SMYD3: variants seen among roughly 807,000 people sequenced by gnomAD.
SMYD3 encodes the protein histone-lysine N-methyltransferase SMYD3.
Under a neutral mutation model 57.7 loss-of-function variants are expected in SMYD3, and 36 were observed. That is an observed-to-expected ratio of 0.62 (90% confidence interval 0.48 to 0.82). SMYD3 has a LOEUF of 0.82. SMYD3 is among the 40% of genes least tolerant of loss of function. The pLI, the probability that SMYD3 is intolerant of heterozygous loss-of-function variation, is 0.00. For missense variants in SMYD3, 515 were observed against 538.8 expected (o/e 0.96, Z 0.44); for synonymous variants, 211 against 195.0 (o/e 1.08, Z -0.68).
chr1:246,386,170 G>A (rs934768734), intron 1 of SMYD3, among the ~76,000 whole-genome samples: 3 of 152,186 alleles, frequency 2.0e-5, no homozygotes, highest in Non-Finnish European at 4.4e-5. Context: ...TTACAGGCAT[G>A]AGCCACCGCG....
rs543163551 is a variant in SMYD3, at chr1:245,815,649, G to A, written c.1076+42847C>T. ...CCCTGTCCCTGTAGCACCTCTCTGTGTCCTGCTCAAAAGCATTAAAACATC... is the reference window on the plus strand; with the variant it reads ...CCCTGTCCCTGTAGCACCTCTCTGTATCCTGCTCAAAAGCATTAAAACATC... On this transcript the variant is annotated intron_variant, in intron 10 of 11. Transcript: ENST00000490107. Among the ~76,000 whole-genome samples the A allele has an allele frequency of 1.0e-3, 154 of 152,322 alleles. 1 individual carries two copies. Among genetic ancestry groups the A allele is most frequent in the African/African-American group, 3.6e-3 (149 of 41,576 alleles).
rs535260336 is a variant in SMYD3, at chr1:246,259,976, G to A, written c.531+67225C>T. ...TCTGCCTAGGTGTGTAGTATAGTGGGCTCCCCCTGAACCAAGATCTCTGCA... is the reference window on the plus strand; with the variant it reads ...TCTGCCTAGGTGTGTAGTATAGTGGACTCCCCCTGAACCAAGATCTCTGCA... On this transcript the variant is annotated intron_variant, in intron 5 of 11. Coordinates refer to ENST00000490107, the MANE Select transcript of SMYD3 (RefSeq NM_001167740.2). Among the ~76,000 whole-genome samples the A allele has an allele frequency of 2.6e-5, 4 of 152,286 alleles. No homozygotes were observed. In the East Asian group the frequency reaches 7.7e-4, roughly 29 times the overall value.
intron 1 of SMYD3, among the ~76,000 whole-genome samples, chr1:246,481,548 G>A (rs2068099954): frequency 7.6e-6 from 1 of 132,214 alleles, no homozygotes; most frequent in Non-Finnish European, 1.6e-5. Context: ...CCACTTTCCT[G>A]GGTCTCTAAC....
At chr1:246,013,492 A>C (rs1407351721) in intron 5 of SMYD3, among the ~76,000 whole-genome samples, 1 of 152,132 alleles carries the variant, frequency 6.6e-6, no homozygotes, top group African/African-American at 2.4e-5. Context: ...ATAATTTTAT[A>C]ATGTAGCAGC....
At chr1:245,919,955 CA>C (rs1393123959) in intron 7 of SMYD3, among the ~76,000 whole-genome samples, 1 of 152,144 alleles carries the variant, frequency 6.6e-6, no homozygotes. Context: ...ATTAAAATCT[CA>C]AGACAAAATG....
At chr1:245,971,098 C>T (rs1459895809) in intron 5 of SMYD3, among the ~76,000 whole-genome samples, 3 of 152,074 alleles carry the variant, frequency 2.0e-5, no homozygotes, top group Non-Finnish European at 2.9e-5. Flanking sequence ...ACATATACAC[C>T]ACAGAATACT....
chr1:246,124,355 A>G (rs543561515), intron 5 of SMYD3, among the ~76,000 whole-genome samples: 21 of 152,292 alleles, frequency 1.4e-4, no homozygotes, highest in East Asian at 1.4e-3. Context: ...AAAAAAAGAA[A>G]GAAAGAAAGA....
At chr1:246,227,921 T>C (rs1435256839) in intron 5 of SMYD3, among the ~76,000 whole-genome samples, 3 of 152,096 alleles carry the variant, frequency 2.0e-5, no homozygotes, top group Non-Finnish European at 2.9e-5. Flanking sequence ...ATGTTATTTA[T>C]ATTTACCTAA....
chr1:245,898,621 G>A (rs1339137123), intron 8 of SMYD3, among the ~76,000 whole-genome samples: 1 of 152,198 alleles, frequency 6.6e-6, no homozygotes, highest in Non-Finnish European at 1.5e-5. Flanking sequence ...AAGAAATTGA[G>A]AGCCCGGTGA....
intron 8 of SMYD3, among the ~76,000 whole-genome samples, chr1:245,873,475 A>T (rs2052328566): frequency 6.6e-6 from 1 of 152,182 alleles, no homozygotes; most frequent in South Asian, 2.1e-4. Context: ...TTTACAGGAA[A>T]ATTGTTCTCC....
At chr1:245,991,758 C>T (rs66776412) in intron 5 of SMYD3, among the ~76,000 whole-genome samples, 50,853 of 149,168 alleles carry the variant, frequency 0.34, 11,594 homozygotes, top group East Asian at 0.65. Context: ...ACCCCAGAAA[C>T]GGCCTGCCGT....
intron 5 of SMYD3, among the ~76,000 whole-genome samples, chr1:245,969,526 G>A (rs2058242592): frequency 6.6e-6 from 1 of 152,170 alleles, no homozygotes; most frequent in South Asian, 2.1e-4. Flanking sequence ...AAATCAGTCA[G>A]CACAAACTCA....
intron 8 of SMYD3, among the ~76,000 whole-genome samples, chr1:245,890,200 G>C (rs1386715467): frequency 1.3e-5 from 2 of 152,148 alleles, no homozygotes; most frequent in Admixed American, 1.3e-4. Flanking sequence ...CATCCCAAAA[G>C]CACAGGCAAC....
At chr1:245,834,573 C>A (rs1184426252) in intron 10 of SMYD3, among the ~76,000 whole-genome samples, 1 of 152,210 alleles carries the variant, frequency 6.6e-6, no homozygotes, top group Non-Finnish European at 1.5e-5. Context: ...CTGAGGAACA[C>A]TGTAGTGGCA....
intron 10 of SMYD3, among the ~76,000 whole-genome samples, chr1:245,822,372 G>C (rs2049212424): frequency 7.6e-6 from 1 of 131,604 alleles, no homozygotes; most frequent in Non-Finnish European, 1.6e-5. Flanking sequence ...ACAGGAAGGG[G>C]AACATCACAC....
At chr1:246,024,216 T>C (rs192426700) in intron 5 of SMYD3, among the ~76,000 whole-genome samples, 1 of 152,228 alleles carries the variant, frequency 6.6e-6, no homozygotes, top group African/African-American at 2.4e-5. Context: ...AGATGTACTA[T>C]ATAGCTTACA....
At chr1:245,830,683 AG>A (rs1397723654) in intron 10 of SMYD3, among the ~76,000 whole-genome samples, 2 of 152,236 alleles carry the variant, frequency 1.3e-5, no homozygotes, top group African/African-American at 4.8e-5. Context: ...TGTAGGAAGT[AG>A]AAAGCTTAGC....
At chr1:246,404,412 A>C (rs1473634860) in intron 1 of SMYD3, among the ~76,000 whole-genome samples, 1 of 152,216 alleles carries the variant, frequency 6.6e-6, no homozygotes, top group Non-Finnish European at 1.5e-5. Flanking sequence ...GCACACTAGA[A>C]GACTTCACAT....
chr1:245,893,972 G>A (rs1369042321), intron 8 of SMYD3, among the ~76,000 whole-genome samples: 3 of 152,214 alleles, frequency 2.0e-5, no homozygotes, highest in East Asian at 1.9e-4. Context: ...TCTGTAAAAC[G>A]GCAGTAAGAG....
Sources: allele counts gnomAD v4.1 joint callset (sites outside exome capture counted in the v4.1 genomes callset), GRCh38; gene constraint gnomAD v4.1.1; transcripts MANE v1.5; gene names NCBI Gene and HGNC (gene_info 2026-07-23, HGNC 2026-07-21).